The following KCNIP4 variants were observed in gnomAD, a reference collection of about 807,000 sequenced individuals.
The protein encoded by KCNIP4 is potassium voltage-gated channel interacting protein 4.
A neutral mutation model predicts 34.0 loss-of-function variants in KCNIP4; 12 were observed. That is an observed-to-expected ratio of 0.35 (90% CI 0.23 to 0.57). KCNIP4 has a LOEUF of 0.57. KCNIP4 is among the 20% of genes least tolerant of loss of function. KCNIP4 has a pLI of 0.83. For missense variants in KCNIP4, 238 were observed against 311.7 expected (o/e 0.76, Z 1.78); for synonymous variants, 124 against 102.2 (o/e 1.21, Z -1.29).
intron 1 of KCNIP4, among the ~76,000 whole-genome samples, chr4:21,062,631 G>A (rs980124862): frequency 8.6e-5 from 13 of 152,034 alleles, no homozygotes; most frequent in African/African-American, 2.4e-4. Context: ...TGGTGAGTCT[G>A]CAAGCAGGAG....
intron 1 of KCNIP4, among the ~76,000 whole-genome samples, chr4:21,187,698 G>A (rs1577855021): frequency 6.7e-6 from 1 of 149,374 alleles, no homozygotes; most frequent in East Asian, 1.9e-4. Flanking sequence ...TAATTCTTCA[G>A]AATCCTCATT....
At chr4:21,353,221 A>C (rs1246940853) in intron 1 of KCNIP4, among the ~76,000 whole-genome samples, 1 of 152,158 alleles carries the variant, frequency 6.6e-6, no homozygotes, top group Admixed American at 6.5e-5. Flanking sequence ...AAACTCTAAA[A>C]ACCAGAGCAC....
chr4:21,234,424 T>TAACATAC (rs1759170070), intron 1 of KCNIP4, among the ~76,000 whole-genome samples: 1 of 130,988 alleles, frequency 7.6e-6, no homozygotes, highest in African/African-American at 3.0e-5. Context: ...ATACTATATA[T>TAACATAC]ATTACATATA....
intron 1 of KCNIP4, among the ~76,000 whole-genome samples, chr4:21,834,879 A>T (rs1723223897): frequency 1.3e-5 from 2 of 152,214 alleles, no homozygotes; most frequent in South Asian, 4.1e-4. Context: ...GGTTCTGTTT[A>T]CATGCTGGAT....
intron 1 of KCNIP4, among the ~76,000 whole-genome samples, chr4:21,300,909 A>G (rs768670422): frequency 9.8e-5 from 15 of 152,294 alleles, no homozygotes; most frequent in Admixed American, 2.6e-4. Context: ...CAGTTTTCTC[A>G]TTTTAGAAAA....
chr4:21,069,157 C>CATTTTGTACAA (rs1251884241), intron 1 of KCNIP4, among the ~76,000 whole-genome samples: 2 of 152,018 alleles, frequency 1.3e-5, no homozygotes, highest in East Asian at 3.9e-4. Context: ...TAGTACAACC[C>CATTTTGTACAA]AATTTTTAGA....
chr4:21,389,357 G>T (rs1377564210), intron 1 of KCNIP4, among the ~76,000 whole-genome samples: 1 of 151,614 alleles, frequency 6.6e-6, no homozygotes, highest in African/African-American at 2.4e-5. Context: ...CAATGTGCAG[G>T]TTTGTTACAT....
intron 3 of KCNIP4, among the ~76,000 whole-genome samples, chr4:20,844,737 G>T (rs1480900799): frequency 1.3e-5 from 2 of 152,072 alleles, no homozygotes; most frequent in African/African-American, 4.8e-5. Context: ...CAAAAATGTA[G>T]ATCCCTATAA....
At chr4:21,734,084 A>G (rs1715810530) in intron 1 of KCNIP4, among the ~76,000 whole-genome samples, 1 of 152,208 alleles carries the variant, frequency 6.6e-6, no homozygotes, top group African/African-American at 2.4e-5. Flanking sequence ...TTTTATGTAC[A>G]TTCTCCAAAA....
intron 3 of KCNIP4, among the ~76,000 whole-genome samples, chr4:20,772,806 T>G (rs1578582972): frequency 6.6e-6 from 1 of 152,016 alleles, no homozygotes; most frequent in Admixed American, 6.6e-5. Flanking sequence ...GACGCCCGGC[T>G]AATTTTTTGT....
intron 1 of KCNIP4, among the ~76,000 whole-genome samples, chr4:21,895,841 C>T (rs762248257): frequency 6.6e-5 from 10 of 152,176 alleles, no homozygotes; most frequent in Non-Finnish European, 1.0e-4. Flanking sequence ...CATCTAACAA[C>T]ATCCAATAAG....
chr4:21,936,130 G>A (rs1467921843), intron 1 of KCNIP4, among the ~76,000 whole-genome samples: 1 of 151,998 alleles, frequency 6.6e-6, no homozygotes, highest in African/African-American at 2.4e-5. Context: ...ATTGAGAGAT[G>A]ACAGGGATTG....
chr4:21,109,368 A>C (rs2109096393), intron 1 of KCNIP4, among the ~76,000 whole-genome samples: 1 of 152,368 alleles, frequency 6.6e-6, no homozygotes, highest in South Asian at 2.1e-4. Context: ...CTGTGCTAGC[A>C]ATCAGTGAGA....
chr4:20,825,193 T>C (rs557323423), intron 3 of KCNIP4, among the ~76,000 whole-genome samples: 1 of 151,270 alleles, frequency 6.6e-6, no homozygotes, highest in Non-Finnish European at 1.5e-5. Context: ...AAATAATTAT[T>C]TTCAATAAAG....
Position 21,876,260 on chromosome 4 carries a change from T to C in KCNIP4, c.61+72311A>G, listed in dbSNP as rs545194574. Reference sequence around the variant, plus strand: ...CTGTAACAACTGCAATGTGATATTATGATTATGATTCTATCTATGATTTTA... The same window carrying C: ...CTGTAACAACTGCAATGTGATATTACGATTATGATTCTATCTATGATTTTA... On this transcript the variant is annotated intron_variant, in intron 1 of 8. Coordinates refer to ENST00000382152, the MANE Select transcript of KCNIP4 (RefSeq NM_025221.6). 1.5e-3 allele frequency among the ~76,000 whole-genome samples: 221 copies of C among 152,348 alleles called. 3 individuals are homozygous for C. The highest frequency in any genetic ancestry group is 5.0e-3 in the African/African-American group (208 of 41,586).
intron 1 of KCNIP4, among the ~76,000 whole-genome samples, chr4:21,177,877 T>TATATATATATATATATATA (rs1338439962): frequency 6.8e-6 from 1 of 146,348 alleles, no homozygotes; most frequent in African/African-American, 2.6e-5. Context: ...TATATATATA[T>TATATATATATATATATATA]AAAATATAAC....
intron 3 of KCNIP4, among the ~76,000 whole-genome samples, chr4:20,832,151 C>T (rs1003174333): frequency 9.2e-5 from 14 of 151,994 alleles, no homozygotes; most frequent in Admixed American, 6.6e-4. Flanking sequence ...TATTTACTTT[C>T]TTATTACAGG....
At chr4:21,733,189 G>C (rs1474402634) in intron 1 of KCNIP4, among the ~76,000 whole-genome samples, 1 of 152,008 alleles carries the variant, frequency 6.6e-6, no homozygotes, top group Non-Finnish European at 1.5e-5. Context: ...TTTTACTCCA[G>C]TACCCTGTTG....
chr4:21,391,542 C>T (rs1005262684), intron 1 of KCNIP4, among the ~76,000 whole-genome samples: 10 of 152,118 alleles, frequency 6.6e-5, no homozygotes, highest in African/African-American at 1.4e-4. Context: ...GCTCCCCTAA[C>T]GTGGAGAATA....
Sources: allele counts gnomAD v4.1 joint callset (sites outside exome capture counted in the v4.1 genomes callset), GRCh38; gene constraint gnomAD v4.1.1; transcripts MANE v1.5; gene names NCBI Gene and HGNC (gene_info 2026-07-23, HGNC 2026-07-21).